Variants in CASP10 observed in about 807,000 individuals in gnomAD.
CASP10 encodes caspase-10.
A neutral mutation model predicts 48.5 loss-of-function variants in CASP10; 41 were observed. The observed-to-expected ratio is 0.85, with a 90% CI of 0.66 to 1.10. The LOEUF (loss-of-function observed/expected upper bound fraction) is 1.10, where lower values mean the gene tolerates loss of function less well. Ranked by LOEUF, CASP10 falls within the 50% of genes least tolerant of loss-of-function variation. The pLI, the probability that CASP10 is intolerant of heterozygous loss-of-function variation, is 0.00. For missense variants in CASP10, 614 were observed against 614.5 expected, an observed-to-expected ratio of 1.00 and a Z score of 0.01; for synonymous variants, 232 against 238.4, an observed-to-expected ratio of 0.97 and a Z score of 0.25.
At chr2:201,225,787 CT>C (rs1185940110), downstream of CASP10, among the ~76,000 whole-genome samples, 1 of 152,150 alleles carries the variant, frequency 6.6e-6, no homozygotes, top group East Asian at 1.9e-4. Flanking sequence ...GCCTGGCCAA[CT>C]TGGTGAAACC....
At chr2:201,217,537 C>A (rs757829239) in intron 9 of CASP10, 51 bp from the exon 10 acceptor site, 3 of 1,233,018 alleles carry the variant, frequency 2.4e-6, no homozygotes, top group South Asian at 2.4e-5. Context: ...CCAGCCTGGG[C>A]GACAGAGTGA....
chr2:201,200,508 G>A, intron 5 of CASP10: 2 of 1,598,298 alleles, frequency 1.3e-6, no homozygotes, highest in East Asian at 4.5e-5. Context: ...TGTAGCTCCT[G>A]GAGCTTGGCA....
In CASP10 at chr2:201,200,624, T is replaced by TGG. The variant is rs1247505513; in HGVS notation, c.685-3105_685-3104dup. The TGG allele has an allele frequency of 1.0e-5, 15 of 1,460,056 alleles. No homozygotes were observed. The Admixed American group carries it at 2.6e-4, about 25-fold the overall frequency. The allele number at this position is 1,460,056 out of a possible 1,614,324, so 90.4% of individuals were successfully genotyped here. A position where few individuals can be genotyped will look rare whatever the true frequency, so the allele number is the denominator to read the frequency against. On this transcript the variant is annotated intron_variant, in intron 5 of 9. Coordinates refer to ENST00000286186, the MANE Select transcript of CASP10 (RefSeq NM_032977.4). ...TCTGCCCTGAACCTCATTCGGCAGGTGGAGGTATTTAGGCATTTGAGGGAA... is the reference window on the plus strand; with the variant it reads ...TCTGCCCTGAACCTCATTCGGCAGGTGGGGAGGTATTTAGGCATTTGAGGGAA...
intron 9 of CASP10, 136 bp from the exon 10 acceptor site, chr2:201,217,452 G>A (rs1032363636): frequency 3.0e-5 from 19 of 640,098 alleles, no homozygotes; most frequent in East Asian, 9.5e-5. Flanking sequence ...CCAGCTACTC[G>A]GGAGGCTGAG....
chr2:201,209,025 T>A, intron 8 of CASP10, 45 bp from the exon 9 acceptor site: 1 of 1,519,592 alleles, frequency 6.6e-7, no homozygotes, highest in Non-Finnish European at 9.0e-7. Flanking sequence ...TATTTCCCCT[T>A]TCTCTCTCTC....
downstream of CASP10, among the ~76,000 whole-genome samples, chr2:201,223,945 C>T (rs1030103062): frequency 4.0e-5 from 6 of 151,630 alleles, no homozygotes; most frequent in African/African-American, 1.5e-4. Context: ...GGGCTACAGG[C>T]AGGTGTTTTT....
At chr2:201,195,729 G>A (rs1944768140) in intron 4 of CASP10, 113 bp from the exon 5 acceptor site, 2 of 784,994 alleles carry the variant, frequency 2.5e-6, no homozygotes, top group Admixed American at 1.7e-5. Flanking sequence ...CCAGGCTGCA[G>A]TGCAGTGGGG....
rs760523499 is a variant in CASP10 at position 201,221,020 on chromosome 2, T to C, written c.*3279T>C. 4.1e-6 allele frequency: 4 copies of C among 985,316 alleles called. No homozygotes were observed. Among genetic ancestry groups the C allele is most frequent in the Non-Finnish European group, 4.8e-6 (4 of 829,942 alleles). 61.0% of individuals were successfully genotyped at this position (985,316 alleles called of 1,614,324 possible). The stretch of plus-strand genomic sequence containing the variant: ...TGTTGGGAAGACGAAAAAGAATGTG[T>C]CCTATGTGTGCATCTATTTAAATCT... On this transcript the variant is annotated 3_prime_UTR_variant, in exon 10 of 10. Coordinates refer to ENST00000286186, the MANE Select transcript of CASP10 (RefSeq NM_032977.4).
At position 201,220,334 on chromosome 2, in the gene CASP10, G is replaced by C. The variant is rs1459520025; in HGVS notation, c.*2593G>C. On this transcript the variant is annotated 3_prime_UTR_variant, in exon 10 of 10. Coordinates refer to ENST00000286186, the MANE Select transcript of CASP10 (RefSeq NM_032977.4). ...GCTCTGGCATAGAGGGAGGTGGGGG[G>C]GTGGGGGAAGTCTCTTGGGTAACTG... 5.1e-6 allele frequency: 1 copy of C among 195,900 alleles called. No homozygotes were observed. The highest frequency in any genetic ancestry group is 2.4e-5 in the African/African-American group (1 of 42,160). 12.1% of individuals were successfully genotyped at this position (195,900 alleles called of 1,614,324 possible).
At position 201,218,276 on chromosome 2, in the gene CASP10, C is replaced by G. The variant is rs934405552; in HGVS notation, c.*535C>G. 3 of 1,004,666 alleles carry G rather than the reference C, an allele frequency of 3.0e-6. No homozygotes were observed. In the Admixed American group the frequency reaches 1.6e-4, roughly 54 times the overall value. The allele number at this position is 1,004,666 out of a possible 1,614,324, so 62.2% of individuals were successfully genotyped here. ...GTAGCCTTGGTTTTGGATGTCTATT[C>G]TGAAGACAGAGTAATTGGCTTTGGT... On this transcript the variant is annotated 3_prime_UTR_variant, in exon 10 of 10. Transcript: ENST00000286186.
rs41381148 is a variant in CASP10, at chr2:201,206,958, A to G, written c.813+985A>G. 8.1e-4 allele frequency among the ~76,000 whole-genome samples: 123 copies of G among 152,152 alleles called. No homozygotes were observed. The East Asian group carries it at 0.02, about 25-fold the overall frequency. On this transcript the variant is annotated intron_variant, in intron 7 of 9. Coordinates refer to ENST00000286186, the MANE Select transcript of CASP10 (RefSeq NM_032977.4). ...TTGACAATATTAAAATATATATTCC[A>G]TTTTCTTAACTGTCATGATTGAGCT...
chr2:201,208,506 T>A (rs1397836044), intron 8 of CASP10: 1 of 289,156 alleles, frequency 3.5e-6, no homozygotes, highest in Non-Finnish European at 5.2e-6. Flanking sequence ...CTTGGCTTCT[T>A]CAACTGTGAA....
rs984962559 is a variant in CASP10, at chr2:201,194,321, CTTAA to C, written c.577+1205_577+1208del. On this transcript the variant is annotated intron_variant, in intron 4 of 9. Transcript: ENST00000286186. Reference sequence around the variant, plus strand: ...ATTCATGAAACTTTTATGCCACACCCTTAATTTAGTTCAGTGAGTGACTCTAGTG... The same window carrying C: ...ATTCATGAAACTTTTATGCCACACCCTTTAGTTCAGTGAGTGACTCTAGTG... 1.4e-4 allele frequency among the ~76,000 whole-genome samples: 21 copies of C among 152,238 alleles called. No homozygotes were observed. The East Asian group carries it at 4.1e-3, about 29-fold the overall frequency.
rs1346314056 is a variant in CASP10, at chr2:201,220,879, G to A, written c.*3138G>A. 1.0e-6 allele frequency: 1 copy of A among 985,340 alleles called. No homozygotes were observed. The highest frequency in any genetic ancestry group is 1.2e-6 in the Non-Finnish European group (1 of 829,954). 61.0% of individuals were successfully genotyped at this position (985,340 alleles called of 1,614,324 possible). A position where few individuals can be genotyped will look rare whatever the true frequency, so the allele number is the denominator to read the frequency against. On this transcript the variant is annotated 3_prime_UTR_variant, in exon 10 of 10. Coordinates refer to ENST00000286186, the MANE Select transcript of CASP10 (RefSeq NM_032977.4). ...GTGAGATACTGAGGAAAGAGCAAAG[G>A]ATCTGGAGATCAAAGCCCTGCATTT... is the stretch of plus-strand genomic sequence containing the variant.
At position 201,221,352 on chromosome 2, in the gene CASP10, C is replaced by T; in HGVS notation, c.*3611C>T. The T allele has an allele frequency of 2.3e-6, 2 of 878,686 alleles. No homozygotes were observed. Among genetic ancestry groups the T allele is most frequent in the Non-Finnish European group, 2.7e-6 (2 of 732,492 alleles). 54.4% of individuals were successfully genotyped at this position (878,686 alleles called of 1,614,324 possible). On this transcript the variant is annotated 3_prime_UTR_variant, in exon 10 of 10. Transcript: ENST00000286186. ...AAGCCATCATATCCCTTGTGACCTG[C>T]ACATATATATCCAGATGGCCTGAAG...
chr2:201,217,637 C>T lies in CASP10; in HGVS notation c.1465C>T (p.Arg489Ter), dbSNP rs746530401. Residue 489 changes from arginine to a stop codon, truncating the protein, a stop_gained, in exon 10 of 10, where the codon CGA (arginine) becomes TGA (stop). Coordinates refer to ENST00000286186, the MANE Select transcript of CASP10 (RefSeq NM_032977.4). LOFTEE classifies it low-confidence loss of function (END_TRUNC). ...ILTAVNDDVS[R>*]RVDKQGTKKQ... is the part of the protein sequence containing the mutation. ...CACTGCTGTCAACGATGATGTGAGT[C>T]GAAGAGTGGACAAACAGGGAACAAA... 2.0e-5 allele frequency: 33 copies of T among 1,614,126 alleles called. No individual in the cohort carries two copies. The highest frequency in any genetic ancestry group is 8.9e-5 in the East Asian group (4 of 44,886).
intron 7 of CASP10, 33 bp from the exon 8 acceptor site, chr2:201,208,042 A>AT: frequency 6.7e-7 from 1 of 1,497,646 alleles, no homozygotes. Context: ...TAAGATAAGG[A>AT]TTCCTACTAA....
chr2:201,222,950 T>A (rs765918346), downstream of CASP10, among the ~76,000 whole-genome samples: 22 of 152,202 alleles, frequency 1.4e-4, no homozygotes, highest in Non-Finnish European at 2.8e-4. Context: ...AGTGATCTGG[T>A]CAATTTGTTC....
chr2:201,202,253 C>T (rs1211390098), intron 5 of CASP10, among the ~76,000 whole-genome samples: 1 of 152,146 alleles, frequency 6.6e-6, no homozygotes, highest in African/African-American at 2.4e-5. Flanking sequence ...TTATTGGACC[C>T]CTCTTGAAAA....
Sources: gnomAD v4.1 joint callset for allele counts (sites outside exome capture counted in the v4.1 genomes callset) on GRCh38, gnomAD v4.1.1 for gene constraint, MANE v1.5 for transcripts, NCBI Gene and HGNC (gene_info 2026-07-23, HGNC 2026-07-21) for gene names.